The following LRFN2 variants were observed in gnomAD, a reference collection of about 807,000 sequenced individuals.
LRFN2 encodes the protein leucine rich repeat and fibronectin type III domain containing 2.
LRFN2 carries 18 observed loss-of-function variants against 37.3 expected under a neutral mutation model. That is an observed-to-expected ratio of 0.48 (90% CI 0.33 to 0.72). The LOEUF (loss-of-function observed/expected upper bound fraction) is 0.72, where lower values mean the gene tolerates loss of function less well. Ranked by LOEUF, LRFN2 falls within the 30% of genes least tolerant of loss-of-function variation. The pLI is 0.02. For missense variants in LRFN2, 1,006 were observed against 1,060.7 expected (o/e 0.95, Z 0.72); for synonymous variants, 556 against 466.6 (o/e 1.19, Z -2.47).
intron 1 of LRFN2, among the ~76,000 whole-genome samples, chr6:40,465,170 G>A (rs1764430120): frequency 6.6e-6 from 1 of 152,096 alleles, no homozygotes; most frequent in Non-Finnish European, 1.5e-5. Flanking sequence ...ATAAGCTAAG[G>A]AGTGTGGGCA....
chr6:40,474,616 A>G (rs1764671147), intron 1 of LRFN2, among the ~76,000 whole-genome samples: 1 of 151,990 alleles, frequency 6.6e-6, no homozygotes, highest in African/African-American at 2.4e-5. Context: ...CAGCCTCCCA[A>G]GTAGCTGGGA....
chr6:40,507,204 G>A (rs571763937), intron 1 of LRFN2, among the ~76,000 whole-genome samples: 1 of 152,312 alleles, frequency 6.6e-6, no homozygotes, highest in Non-Finnish European at 1.5e-5. Flanking sequence ...CTGGCACATG[G>A]TGGGTTCTTA....
chr6:40,484,636 A>T (rs1764911444), intron 1 of LRFN2, among the ~76,000 whole-genome samples: 1 of 151,840 alleles, frequency 6.6e-6, no homozygotes, highest in Admixed American at 6.6e-5. Flanking sequence ...CTCCACTCCC[A>T]CCCCTGGGAT....
intron 1 of LRFN2, among the ~76,000 whole-genome samples, chr6:40,485,925 ATG>A: frequency 6.6e-6 from 1 of 152,316 alleles, no homozygotes; most frequent in South Asian, 2.1e-4. Flanking sequence ...CAGCTAATAA[ATG>A]TGTTATCAAG....
chr6:40,403,652 C>G (rs9471334), intron 2 of LRFN2, among the ~76,000 whole-genome samples: 9,794 of 152,192 alleles, frequency 0.064, 984 homozygotes, highest in African/African-American at 0.22. Context: ...ACTTCCACAG[C>G]CCGCAAGACA....
chr6:40,481,820 C>A (rs1195232204), intron 1 of LRFN2, among the ~76,000 whole-genome samples: 1 of 152,182 alleles, frequency 6.6e-6, no homozygotes, highest in Non-Finnish European at 1.5e-5. Context: ...GACTCAGTCC[C>A]ACAACCCTGT....
At chr6:40,460,634 A>G (rs1764326986) in intron 1 of LRFN2, among the ~76,000 whole-genome samples, 1 of 152,214 alleles carries the variant, frequency 6.6e-6, no homozygotes, top group Non-Finnish European at 1.5e-5. Flanking sequence ...GCATTACCAT[A>G]GGAGAGGCCT....
rs374381279 is a variant in LRFN2, at chr6:40,569,695, G to T, written c.-19+17246C>A. ...CCGCACTGCTCTCACTGTGGCAGAA[G>T]ATTTTCTGCATTCTGATCTCCATGC... On this transcript the variant is annotated intron_variant, in intron 1 of 2. Transcript: ENST00000338305. Among the ~76,000 whole-genome samples the T allele has an allele frequency of 3.9e-4, 60 of 152,300 alleles. No individual in the cohort carries two copies. In the South Asian group the frequency reaches 6.2e-3, roughly 16 times the overall value.
chr6:40,509,829 G>A (rs546743944), intron 1 of LRFN2, among the ~76,000 whole-genome samples: 11 of 150,302 alleles, frequency 7.3e-5, no homozygotes, highest in African/African-American at 1.7e-4. Context: ...ACTGAGCTGC[G>A]CAGGTAGGAG....
intron 1 of LRFN2, among the ~76,000 whole-genome samples, chr6:40,461,908 A>T (rs576930181): frequency 2.6e-4 from 39 of 152,340 alleles, no homozygotes; most frequent in African/African-American, 9.1e-4. Context: ...GTCATAGGCT[A>T]TCTACAAATA....
At chr6:40,401,221 C>T (rs1231819402) in intron 2 of LRFN2, among the ~76,000 whole-genome samples, 2 of 135,254 alleles carry the variant, frequency 1.5e-5, no homozygotes, top group African/African-American at 5.4e-5. Flanking sequence ...CCACTCTCCC[C>T]CTCTCTCATG....
chr6:40,409,510 C>A (rs905403405), intron 2 of LRFN2, among the ~76,000 whole-genome samples: 9 of 152,126 alleles, frequency 5.9e-5, no homozygotes, highest in Non-Finnish European at 1.0e-4. Context: ...ATGATGTTTG[C>A]ATTTGGTATT....
intron 1 of LRFN2, among the ~76,000 whole-genome samples, chr6:40,502,896 G>C (rs1419069558): frequency 6.6e-6 from 1 of 152,236 alleles, no homozygotes; most frequent in Non-Finnish European, 1.5e-5. Flanking sequence ...CTGAAGCTAG[G>C]ACAGTTGTCA....
At chr6:40,502,868 C>G (rs1765423660) in intron 1 of LRFN2, among the ~76,000 whole-genome samples, 1 of 152,190 alleles carries the variant, frequency 6.6e-6, no homozygotes, top group Non-Finnish European at 1.5e-5. Context: ...TGATGAGGCT[C>G]CCAGCCCAGG....
intron 1 of LRFN2, among the ~76,000 whole-genome samples, chr6:40,519,948 C>T (rs1412793975): frequency 6.6e-6 from 1 of 152,064 alleles, no homozygotes; most frequent in Non-Finnish European, 1.5e-5. Flanking sequence ...GGAGAAGGGG[C>T]ATGGAAGGGC....
At chr6:40,479,917 G>A (rs1764789260) in intron 1 of LRFN2, among the ~76,000 whole-genome samples, 1 of 152,236 alleles carries the variant, frequency 6.6e-6, no homozygotes, top group South Asian at 2.1e-4. Context: ...TTGGCTTAAA[G>A]CCTGTTATTT....
chr6:40,404,283 T>C (rs1762800649), intron 2 of LRFN2, among the ~76,000 whole-genome samples: 1 of 152,126 alleles, frequency 6.6e-6, no homozygotes, highest in African/African-American at 2.4e-5. Flanking sequence ...GGGTTGTTTT[T>C]TTGTTTTTTG....
At chr6:40,433,335 A>G (rs1378278043) in intron 1 of LRFN2, among the ~76,000 whole-genome samples, 1 of 152,044 alleles carries the variant, frequency 6.6e-6, no homozygotes, top group East Asian at 1.9e-4. Context: ...CTTCTAACAC[A>G]CTATTTAGTT....
At chr6:40,485,968 C>T (rs377459111) in intron 1 of LRFN2, among the ~76,000 whole-genome samples, 1 of 152,212 alleles carries the variant, frequency 6.6e-6, no homozygotes, top group Non-Finnish European at 1.5e-5. Context: ...TGGAGCTCAG[C>T]CCCCCTGGGG....
Sources: gnomAD v4.1 joint callset for allele counts (sites outside exome capture counted in the v4.1 genomes callset) on GRCh38, gnomAD v4.1.1 for gene constraint, MANE v1.5 for transcripts, NCBI Gene and HGNC (gene_info 2026-07-23, HGNC 2026-07-21) for gene names.